Variants in CBL observed in about 807,000 individuals in gnomAD.
CBL encodes the protein Cbl proto-oncogene.
In CBL, 45 loss-of-function variants were observed where a neutral mutation model predicts 96.9. That is an observed-to-expected ratio of 0.46 (90% confidence interval 0.37 to 0.60). CBL has a LOEUF of 0.60. CBL is among the 20% of genes least tolerant of loss of function. The pLI, the probability that CBL is intolerant of heterozygous loss-of-function variation, is 0.00. For synonymous variants in CBL, 420 were observed against 426.8 expected, an observed-to-expected ratio of 0.98 and a Z score of 0.20; for missense variants, 1,024 against 1,143.5, an observed-to-expected ratio of 0.90 and a Z score of 1.51.
chr11:119,219,133 T>C (rs1949387019), intron 1 of CBL, among the ~76,000 whole-genome samples: 1 of 152,142 alleles, frequency 6.6e-6, no homozygotes, highest in South Asian at 2.1e-4. Context: ...ATCTCAGCAC[T>C]GAGGGAGGCT....
intron 2 of CBL, among the ~76,000 whole-genome samples, chr11:119,252,129 AC>A (rs1949673877): frequency 6.6e-6 from 1 of 151,864 alleles, no homozygotes; most frequent in South Asian, 2.1e-4. Context: ...TAAATTTGTT[AC>A]AGAAATGGAA....
chr11:119,300,784 A>T lies in CBL; in HGVS notation c.*1003A>T. The T allele has an allele frequency of 2.6e-6, 1 of 385,810 alleles. No homozygotes were observed. Among genetic ancestry groups the T allele is most frequent in the Non-Finnish European group, 4.6e-6 (1 of 218,132 alleles). The allele number at this position is 385,810 out of a possible 1,614,324, so 23.9% of individuals were successfully genotyped here. On this transcript the variant is annotated 3_prime_UTR_variant, in exon 16 of 16. Coordinates refer to ENST00000264033, the MANE Select transcript of CBL (RefSeq NM_005188.4). ...TCTGATGTAGGTCATGAGTCTTTCT[A>T]CTTAATGGGAAGGGAAGAACATTTG...
intron 2 of CBL, among the ~76,000 whole-genome samples, chr11:119,234,052 G>GC (rs1387873475): frequency 1.3e-5 from 2 of 152,126 alleles, no homozygotes; most frequent in African/African-American, 4.8e-5. Context: ...TGTCACCCAG[G>GC]CTGGAGTGCA....
chr11:119,289,774 G>A (rs1021951682), intron 12 of CBL: 8 of 152,100 alleles, frequency 5.3e-5, no homozygotes, highest in African/African-American at 1.9e-4. Flanking sequence ...ATAGGGTCTT[G>A]ATCTGTTGCC....
At chr11:119,225,728 T>TC (rs1277031158) in intron 1 of CBL, among the ~76,000 whole-genome samples, 17 of 143,484 alleles carry the variant, frequency 1.2e-4, no homozygotes, top group Admixed American at 3.4e-4. Flanking sequence ...TATTTTCTTT[T>TC]TTTTTTTTTT....
chr11:119,223,184 C>CT (rs1167302746), intron 1 of CBL, among the ~76,000 whole-genome samples: 1,035 of 67,184 alleles, frequency 0.015, 22 homozygotes, highest in Non-Finnish European at 0.02. Context: ...CACACCCTTC[C>CT]TTTTTTTTTT....
chr11:119,276,205 CTT>C, intron 6 of CBL, 71 bp downstream of exon 6: 1 of 1,464,862 alleles, frequency 6.8e-7, no homozygotes, highest in Non-Finnish European at 9.6e-7. Context: ...TCATTAATGA[CTT>C]TATTCCAGGT....
Position 119,277,859 on chromosome 11 carries a change from A to C in CBL, c.1095+15A>C, listed in dbSNP as rs778438251. Reference sequence around the variant, plus strand: ...AAGTGACCCAGGTGAGTTTTGTTTCACATGATAACCATATCACTGGACACA... The same window carrying C: ...AAGTGACCCAGGTGAGTTTTGTTTCCCATGATAACCATATCACTGGACACA... On this transcript the variant is annotated intron_variant, in intron 7 of 15. Coordinates refer to ENST00000264033, the MANE Select transcript of CBL (RefSeq NM_005188.4). 1 of 1,537,302 alleles carries C rather than the reference A, an allele frequency of 6.5e-7. No individual in the cohort carries two copies. Among genetic ancestry groups the C allele is most frequent in the Non-Finnish European group, 9.0e-7 (1 of 1,110,212 alleles).
At chr11:119,219,625 A>G (rs1202314291) in intron 1 of CBL, among the ~76,000 whole-genome samples, 1 of 151,582 alleles carries the variant, frequency 6.6e-6, no homozygotes, top group Non-Finnish European at 1.5e-5. Context: ...TCTAGTTCAT[A>G]CTAAGTATTT....
At position 119,279,491 on chromosome 11, in the gene CBL, C is replaced by CA. The variant is rs746356737; in HGVS notation, c.1431+778_1431+779insA. ...ACCACCACTGCCCCCATGCCCCCCC[C>CA]TAAAAAAAAAAATAGCTGGGCATGA... On this transcript the variant is annotated intron_variant, in intron 9 of 15. Coordinates refer to ENST00000264033, the MANE Select transcript of CBL (RefSeq NM_005188.4). 5.3e-3 allele frequency among the ~76,000 whole-genome samples: 629 copies of CA among 119,538 alleles called. 10 individuals are homozygous for CA. In the East Asian group the frequency reaches 0.065, roughly 12 times the overall value. 78.4% of individuals were successfully genotyped at this position (119,538 alleles called of 152,430 possible). A position where few individuals can be genotyped will look rare whatever the true frequency, so the allele number is the denominator to read the frequency against.
chr11:119,282,480 A>G (rs957564583), intron 9 of CBL, among the ~76,000 whole-genome samples: 17 of 152,346 alleles, frequency 1.1e-4, no homozygotes, highest in African/African-American at 4.1e-4. Context: ...GAATGGGGAA[A>G]GGATTTAAAG....
rs373212940 is a variant in CBL at position 119,206,522 on chromosome 11, G to GCACCAC, written c.122_127dup (p.His41_His42dup). ...GGCTCATGAAGGACGCCTTCCAGCC[G>GCACCAC]CACCACCACCACCACCACCACCTCA... On this transcript the variant is annotated inframe_insertion, in exon 1 of 16. Coordinates refer to ENST00000264033, the MANE Select transcript of CBL (RefSeq NM_005188.4). 1.7e-4 allele frequency: 271 copies of GCACCAC among 1,556,406 alleles called. No individual in the cohort carries two copies. The highest frequency in any genetic ancestry group is 1.1e-3 in the East Asian group (44 of 41,840).
At chr11:119,287,066 C>A (rs1949989890) in intron 11 of CBL, among the ~76,000 whole-genome samples, 1 of 152,106 alleles carries the variant, frequency 6.6e-6, no homozygotes, top group African/African-American at 2.4e-5. Flanking sequence ...AAGGAAAAAG[C>A]AAGTGAGTTT....
rs866389312 is a variant in CBL at position 119,252,139 on chromosome 11, A to G, written c.443+19444A>G. On this transcript the variant is annotated intron_variant, in intron 2 of 15. Transcript: ENST00000264033. ...TGTGTTAAATTTGTTACAGAAATGG[A>G]AAAAAAAAAAAACCTTTTGTTAACA... Among the ~76,000 whole-genome samples, 6 of 143,508 alleles carry G rather than the reference A, an allele frequency of 4.2e-5. No individual in the cohort carries two copies. The East Asian group carries it at 6.0e-4, about 14-fold the overall frequency. The allele number at this position is 143,508 out of a possible 152,430, so 94.1% of individuals were successfully genotyped here.
chr11:119,222,833 A>T (rs1170846139), intron 1 of CBL, among the ~76,000 whole-genome samples: 1 of 152,154 alleles, frequency 6.6e-6, no homozygotes, highest in Non-Finnish European at 1.5e-5. Context: ...GAGGTTATAC[A>T]TAATAAGGAC....
intron 1 of CBL, among the ~76,000 whole-genome samples, chr11:119,218,506 TC>T (rs1035029714): frequency 1.3e-5 from 2 of 152,190 alleles, no homozygotes; most frequent in African/African-American, 4.8e-5. Flanking sequence ...AATGGAAAAT[TC>T]CAGAAATAAT....
intron 1 of CBL, among the ~76,000 whole-genome samples, chr11:119,217,241 C>T (rs567809739): frequency 1.7e-4 from 26 of 152,186 alleles, no homozygotes; most frequent in Admixed American, 2.6e-4. Flanking sequence ...CTCAGCCTCC[C>T]GAGTAGCTGG....
At chr11:119,261,984 T>C (rs1025936686) in intron 2 of CBL, among the ~76,000 whole-genome samples, 6 of 152,150 alleles carry the variant, frequency 3.9e-5, no homozygotes, top group African/African-American at 1.2e-4. Context: ...AAAAAAGATA[T>C]AAGAAAGAAG....
At chr11:119,225,587 T>G (rs895931036) in intron 1 of CBL, among the ~76,000 whole-genome samples, 2 of 152,054 alleles carry the variant, frequency 1.3e-5, no homozygotes, top group East Asian at 3.9e-4. Flanking sequence ...TTTGTAGAGA[T>G]AGGGTTTTGC....
Sources: gnomAD v4.1 joint callset for allele counts (sites outside exome capture counted in the v4.1 genomes callset) on GRCh38, gnomAD v4.1.1 for gene constraint, MANE v1.5 for transcripts, NCBI Gene and HGNC (gene_info 2026-07-23, HGNC 2026-07-21) for gene names.